The following CPLANE1 variants were observed in gnomAD, a reference collection of about 807,000 sequenced individuals.
CPLANE1 encodes ciliogenesis and planar polarity effector 1.
In CPLANE1, 263 loss-of-function variants were observed where a neutral mutation model predicts 362.5. The observed-to-expected ratio is 0.73, with a 90% CI of 0.66 to 0.80. The LOEUF (loss-of-function observed/expected upper bound fraction) is 0.80, where lower values mean the gene tolerates loss of function less well. Among genes scored for constraint, CPLANE1 ranks in the 30% least tolerant of loss-of-function variants. The pLI, the probability that CPLANE1 is intolerant of heterozygous loss-of-function variation, is 0.00. For missense variants in CPLANE1, 3,461 were observed against 3,793.4 expected (o/e 0.91, Z 2.30); for synonymous variants, 1,212 against 1,302.6 (o/e 0.93, Z 1.50).
At chr5:37,210,573 A>G (rs1792306837) in intron 16 of CPLANE1, 1 of 1,558,340 alleles carries the variant, frequency 6.4e-7, no homozygotes, top group Middle Eastern at 1.7e-4. Flanking sequence ...AAATCGCATG[A>G]AAGAACTTGA....
intron 46 of CPLANE1, 166 bp from the exon 47 acceptor site, chr5:37,125,575 A>T (rs779668909): frequency 1.3e-5 from 8 of 603,062 alleles, no homozygotes; most frequent in Non-Finnish European, 2.2e-5. Flanking sequence ...CCTGAACTCC[A>T]CTGAAAATGG....
intron 18 of CPLANE1, among the ~76,000 whole-genome samples, chr5:37,202,472 T>C (rs1381688703): frequency 6.6e-6 from 1 of 152,146 alleles, no homozygotes; most frequent in Non-Finnish European, 1.5e-5. Context: ...TTCTTAATAG[T>C]ACATGATAGT....
In CPLANE1 at chr5:37,209,788, AT is replaced by A. The variant is rs920797033; in HGVS notation, c.2921-3364del. On this transcript the variant is annotated intron_variant, in intron 16 of 52. Transcript: ENST00000651892. The surrounding 1 kb of genome is among the most constrained non-coding windows in gnomAD (Gnocchi z 4.6). ...GAAAACCAAAAAGGTTTTCTTATGC[AT>A]TTTTTAAAAGGATTGGCAGAATATC... 3 of 1,314,536 alleles carry A rather than the reference AT, an allele frequency of 2.3e-6. No individual in the cohort carries two copies. Among genetic ancestry groups the A allele is most frequent in the Non-Finnish European group, 3.3e-6 (3 of 909,494 alleles). The allele number at this position is 1,314,536 out of a possible 1,614,324, so 81.4% of individuals were successfully genotyped here.
At chr5:37,098,047 G>A in the CPLANE1 span, among the ~76,000 whole-genome samples, 1 of 152,024 alleles carries the variant, frequency 6.6e-6, no homozygotes, top group Admixed American at 6.5e-5. Context: ...AACATTACTA[G>A]ATCTAAAGGA....
At chr5:37,147,056 T>C (rs1336326876) in intron 43 of CPLANE1, among the ~76,000 whole-genome samples, 1 of 152,160 alleles carries the variant, frequency 6.6e-6, no homozygotes, top group Non-Finnish European at 1.5e-5. Flanking sequence ...ACAATCATTA[T>C]GGGTAATTTT....
chr5:37,099,939 ATTTGCCCAGC>A, the CPLANE1 span, among the ~76,000 whole-genome samples: 1 of 151,998 alleles, frequency 6.6e-6, no homozygotes, highest in Non-Finnish European at 1.5e-5. Context: ...TGTTCATGTC[ATTTGCCCAGC>A]TTTTAATGGG....
intron 11 of CPLANE1, 61 bp downstream of exon 11, chr5:37,227,182 A>C: frequency 6.6e-7 from 1 of 1,526,212 alleles, no homozygotes; most frequent in Non-Finnish European, 8.8e-7. Context: ...GAAAAACAGA[A>C]TATGTTTCTT....
intron 14 of CPLANE1, among the ~76,000 whole-genome samples, chr5:37,223,907 T>A (rs928447815): frequency 6.6e-6 from 1 of 151,974 alleles, no homozygotes; most frequent in African/African-American, 2.4e-5. Context: ...ATTTTTCCCA[T>A]CAACAATCAA....
At chr5:37,116,708 T>C (rs1579832165) in intron 50 of CPLANE1, among the ~76,000 whole-genome samples, 1 of 151,972 alleles carries the variant, frequency 6.6e-6, no homozygotes, top group Non-Finnish European at 1.5e-5. Flanking sequence ...GAAAGCAACA[T>C]AGAGTCAAAC....
the CPLANE1 span, among the ~76,000 whole-genome samples, chr5:37,077,048 T>TAG: frequency 6.6e-6 from 1 of 151,926 alleles, no homozygotes; most frequent in Middle Eastern, 3.2e-3. Context: ...TGTAAATGAA[T>TAG]AGACAGGATG....
At chr5:37,157,928 C>G in intron 39 of CPLANE1, 60 bp from the exon 40 acceptor site, 2 of 518,514 alleles carry the variant, frequency 3.9e-6, no homozygotes, top group Non-Finnish European at 5.8e-6. Context: ...TGTGGTCACT[C>G]CGCCAAAAAA....
intron 46 of CPLANE1, among the ~76,000 whole-genome samples, chr5:37,136,601 C>T (rs1323095349): frequency 6.6e-6 from 1 of 152,232 alleles, no homozygotes; most frequent in African/African-American, 2.4e-5. Flanking sequence ...CCCCACATTT[C>T]CCTCCCACAC....
chr5:37,210,377 T>C, intron 16 of CPLANE1: 1 of 1,073,108 alleles, frequency 9.3e-7, no homozygotes, highest in Non-Finnish European at 1.4e-6. Flanking sequence ...TAAAGAGTTT[T>C]GAGAAGACCT....
At position 37,243,027 on chromosome 5, in the gene CPLANE1, T is replaced by C. The variant is rs1800917274; in HGVS notation, c.663A>G (p.Val221=). 2 of 1,539,898 alleles carry C rather than the reference T, an allele frequency of 1.3e-6. No homozygotes were observed. The highest frequency in any genetic ancestry group is 1.8e-6 in the Non-Finnish European group (2 of 1,141,522). Residue 221 remains valine (V), a synonymous_variant, in exon 6 of 53, where the codon GTA becomes GTG. Coordinates refer to ENST00000651892, the MANE Select transcript of CPLANE1 (RefSeq NM_001384732.1). ...TFLAIRWHEN[V]FTSVRSLPYH... is the part of the protein sequence containing the mutation. ...ATTTACCTCACCTTACAGATGTAAATACATTCTCATGCCACCGAATTGCTA... is the reference window on the plus strand; with the variant it reads ...ATTTACCTCACCTTACAGATGTAAACACATTCTCATGCCACCGAATTGCTA...
chr5:37,085,609 G>T, the CPLANE1 span: 3 of 925,890 alleles, frequency 3.2e-6, no homozygotes, highest in Non-Finnish European at 5.4e-6. Context: ...TGTGTATGGT[G>T]ACTGGAGGTG....
chr5:37,194,881 G>C (rs558260049), intron 21 of CPLANE1, among the ~76,000 whole-genome samples: 1 of 151,284 alleles, frequency 6.6e-6, no homozygotes, highest in Non-Finnish European at 1.5e-5. Flanking sequence ...GGCCAGGCGC[G>C]GTGGCTCACA....
intron 21 of CPLANE1, among the ~76,000 whole-genome samples, chr5:37,194,608 GC>G (rs1282165605): frequency 1.3e-5 from 2 of 151,644 alleles, no homozygotes; most frequent in African/African-American, 4.8e-5. Flanking sequence ...GACAATCTGA[GC>G]CCCAGGACAT....
chr5:37,187,914 T>C (rs1784490662), intron 21 of CPLANE1, 72 bp from the exon 22 acceptor site: 2 of 983,470 alleles, frequency 2.0e-6, no homozygotes, highest in Admixed American at 2.8e-5. Flanking sequence ...ACTCCAACTC[T>C]GCTGATCATT....
chr5:37,156,457 T>C (rs1387862729), intron 41 of CPLANE1, among the ~76,000 whole-genome samples: 1 of 151,860 alleles, frequency 6.6e-6, no homozygotes, highest in Non-Finnish European at 1.5e-5. Flanking sequence ...TTTTAAAAAT[T>C]AGCTAGGCAT....
Sources: gnomAD v4.1 joint callset for allele counts (sites outside exome capture counted in the v4.1 genomes callset) on GRCh38, gnomAD v4.1.1 for gene constraint, Gnocchi (gnomAD v3.1) non-coding constraint, MANE v1.5 for transcripts, NCBI Gene and HGNC (gene_info 2026-07-23, HGNC 2026-07-21) for gene names.